CDYL2: variants seen among roughly 807,000 people sequenced by gnomAD.
The protein encoded by CDYL2 is chromodomain Y-like protein 2.
Under a neutral mutation model 49.4 loss-of-function variants are expected in CDYL2, and 23 were observed. The observed-to-expected ratio is 0.47, with a 90% CI of 0.34 to 0.66. The LOEUF is 0.66. Ranked by LOEUF, CDYL2 falls within the 30% of genes least tolerant of loss-of-function variation. The probability of loss-of-function intolerance (pLI) is 0.01; values close to 1 mark genes in which losing one functional copy is unlikely to be tolerated. For missense variants in CDYL2, 678 were observed against 656.4 expected (o/e 1.03, Z -0.36); for synonymous variants, 360 against 268.8 (o/e 1.34, Z -3.32).
intron 1 of CDYL2, among the ~76,000 whole-genome samples, chr16:80,712,963 G>C (rs1003077634): frequency 6.6e-6 from 1 of 152,158 alleles, no homozygotes; most frequent in Non-Finnish European, 1.5e-5. Context: ...AGAGGAAGGA[G>C]GAGAGGCACA....
rs149128820 is a variant in CDYL2 at position 80,618,460 on chromosome 16, C to G, written c.1007+2303G>C. Reference sequence around the variant, plus strand: ...CCTCAGCTTTGATACATCTAAGACACAAATGCAGGGATAGGTCAAGGAGAC... The same window carrying G: ...CCTCAGCTTTGATACATCTAAGACAGAAATGCAGGGATAGGTCAAGGAGAC... On this transcript the variant is annotated intron_variant, in intron 4 of 6. Transcript: ENST00000570137. Among the ~76,000 whole-genome samples the G allele has an allele frequency of 4.8e-3, 736 of 152,290 alleles. 2 individuals are homozygous for G. Among genetic ancestry groups the G allele is most frequent in the African/African-American group, 0.016 (681 of 41,548 alleles).
At chr16:80,773,666 T>C (rs1312082103) in intron 1 of CDYL2, among the ~76,000 whole-genome samples, 1 of 152,132 alleles carries the variant, frequency 6.6e-6, no homozygotes, top group Non-Finnish European at 1.5e-5. Context: ...AATCTTCATG[T>C]TTGAAAATTA....
chr16:80,627,606 G>A (rs533537189), intron 3 of CDYL2: 1 of 152,222 alleles, frequency 6.6e-6, no homozygotes, highest in South Asian at 2.1e-4. Flanking sequence ...CTTCTTGAAA[G>A]ACCCCAAATT....
chr16:80,674,095 A>G (rs1909642799), intron 2 of CDYL2, among the ~76,000 whole-genome samples: 1 of 152,176 alleles, frequency 6.6e-6, no homozygotes, highest in Admixed American at 6.5e-5. Context: ...TAAGCCACCA[A>G]GTTGGGAGGA....
intron 1 of CDYL2, among the ~76,000 whole-genome samples, chr16:80,748,884 T>C (rs1906031625): frequency 6.6e-6 from 1 of 152,188 alleles, no homozygotes; most frequent in Admixed American, 6.5e-5. Context: ...TAGCTCACCC[T>C]GATATAAATC....
intron 2 of CDYL2, among the ~76,000 whole-genome samples, chr16:80,674,646 C>A (rs1909668268): frequency 6.6e-6 from 1 of 152,184 alleles, no homozygotes. Context: ...CTGGCAACGG[C>A]TAATCTACTT....
intron 1 of CDYL2, among the ~76,000 whole-genome samples, chr16:80,803,480 C>A (rs1246749369): frequency 2.0e-5 from 3 of 152,134 alleles, no homozygotes; most frequent in Non-Finnish European, 1.5e-5. Context: ...GGGCCACCCC[C>A]ACGCCCGAGC....
chr16:80,657,448 C>A (rs1908859048), intron 2 of CDYL2, among the ~76,000 whole-genome samples: 1 of 152,062 alleles, frequency 6.6e-6, no homozygotes, highest in African/African-American at 2.4e-5. Flanking sequence ...ACCAAAAATT[C>A]CTTCAGGAAA....
At chr16:80,726,855 G>A (rs1164145395) in intron 1 of CDYL2, among the ~76,000 whole-genome samples, 2 of 151,904 alleles carry the variant, frequency 1.3e-5, no homozygotes, top group Non-Finnish European at 2.9e-5. Flanking sequence ...TGGAGGCTGA[G>A]GCAGGAGGAT....
intron 2 of CDYL2, among the ~76,000 whole-genome samples, chr16:80,681,803 C>A (rs1204934158): frequency 4.6e-5 from 7 of 152,230 alleles, no homozygotes; most frequent in Admixed American, 4.6e-4. Flanking sequence ...GGCATTCCAA[C>A]TTCCTGGCAA....
chr16:80,633,854 C>G (rs991134133), intron 2 of CDYL2, among the ~76,000 whole-genome samples: 17 of 152,134 alleles, frequency 1.1e-4, no homozygotes, highest in Admixed American at 2.0e-4. Context: ...TATTAACATT[C>G]ACAAATGGCC....
chr16:80,695,826 T>A (rs1200158463), intron 1 of CDYL2, among the ~76,000 whole-genome samples: 1 of 152,000 alleles, frequency 6.6e-6, no homozygotes, highest in African/African-American at 2.4e-5. Context: ...AACACACCAC[T>A]CTCAGCACGA....
chr16:80,768,311 G>A lies in CDYL2; in HGVS notation c.24+35839C>T, dbSNP rs116478022. 3.9e-3 allele frequency among the ~76,000 whole-genome samples: 593 copies of A among 152,178 alleles called. 2 individuals are homozygous for A. Among genetic ancestry groups the A allele is most frequent in the African/African-American group, 0.014 (574 of 41,512 alleles). On this transcript the variant is annotated intron_variant, in intron 1 of 6. Transcript: ENST00000570137. ...TGGCTTCTAAATATCTCCTGAACTT[G>A]GTCCACTCATCACTATCCCCAACAT...
intron 1 of CDYL2, among the ~76,000 whole-genome samples, chr16:80,754,554 T>C (rs978211567): frequency 6.6e-6 from 1 of 152,194 alleles, no homozygotes; most frequent in African/African-American, 2.4e-5. Context: ...AGTAATACTG[T>C]AGATGAAGGC....
intron 2 of CDYL2, among the ~76,000 whole-genome samples, chr16:80,667,294 C>G (rs1038218655): frequency 6.6e-6 from 1 of 152,142 alleles, no homozygotes; most frequent in Admixed American, 6.5e-5. Context: ...CTCAGCCTCC[C>G]GTGCAGGCTG....
intron 6 of CDYL2, among the ~76,000 whole-genome samples, chr16:80,606,555 C>CT (rs1256619155): frequency 6.6e-6 from 1 of 152,170 alleles, no homozygotes; most frequent in Non-Finnish European, 1.5e-5. Context: ...CTTGAGTGCC[C>CT]TCACTCTTGC....
intron 1 of CDYL2, among the ~76,000 whole-genome samples, chr16:80,745,955 T>A (rs1334006345): frequency 1.3e-5 from 2 of 152,136 alleles, no homozygotes; most frequent in Non-Finnish European, 2.9e-5. Context: ...CCTGTGACTG[T>A]CAGGATACCC....
At chr16:80,717,145 C>CAATA (rs1904837431) in intron 1 of CDYL2, among the ~76,000 whole-genome samples, 2 of 119,828 alleles carry the variant, frequency 1.7e-5, no homozygotes, top group African/African-American at 6.8e-5. Flanking sequence ...TGGACTGGAT[C>CAATA]GATAGATGGA....
At chr16:80,655,893 G>C (rs80276114) in intron 2 of CDYL2, among the ~76,000 whole-genome samples, 2,213 of 152,222 alleles carry the variant, frequency 0.015, 14 homozygotes, top group Middle Eastern at 0.024. Flanking sequence ...CATGCTTCCC[G>C]AGTGACAGCA....
Sources: allele counts gnomAD v4.1 joint callset (sites outside exome capture counted in the v4.1 genomes callset), GRCh38; gene constraint gnomAD v4.1.1; transcripts MANE v1.5; gene names NCBI Gene and HGNC (gene_info 2026-07-23, HGNC 2026-07-21).